MTMR10: variants seen among roughly 807,000 people sequenced by gnomAD.
The protein encoded by MTMR10 is myotubularin related protein 10, also known as myotubularin-related protein 10.
MTMR10 carries 56 observed loss-of-function variants against 88.1 expected under a neutral mutation model. The observed-to-expected ratio is 0.64, with a 90% CI of 0.51 to 0.79. The LOEUF is 0.79. MTMR10 is among the 30% of genes least tolerant of loss of function. MTMR10 has a pLI of 0.00. For missense variants in MTMR10, 883 were observed against 924.7 expected (o/e 0.95, Z 0.58); for synonymous variants, 380 against 340.9 (o/e 1.11, Z -1.26).
chr15:30,955,812 G>T (rs746075592), intron 9 of MTMR10, among the ~76,000 whole-genome samples: 1 of 152,108 alleles, frequency 6.6e-6, no homozygotes, highest in African/African-American at 2.4e-5. Context: ...AGGATAAACT[G>T]CAAGTACAGA....
chr15:30,944,206 A>C (rs879672461), intron 14 of MTMR10, among the ~76,000 whole-genome samples: 3 of 152,176 alleles, frequency 2.0e-5, no homozygotes, highest in Non-Finnish European at 4.4e-5. Flanking sequence ...GGCATTTTGT[A>C]AAGTTTTACA....
chr15:30,943,268 A>AC (rs1469734071), intron 14 of MTMR10, 196 bp from the exon 15 acceptor site: 1 of 985,278 alleles, frequency 1.0e-6, no homozygotes, highest in East Asian at 1.1e-4. Context: ...GTCCCCATGA[A>AC]CAAGGAGTGT....
At chr15:30,989,947 A>G (rs2031201498) in intron 2 of MTMR10, among the ~76,000 whole-genome samples, 3 of 152,152 alleles carry the variant, frequency 2.0e-5, no homozygotes, top group South Asian at 4.1e-4. Flanking sequence ...ATCGCATTAA[A>G]CAACTGACTT....
chr15:30,955,006 C>T (rs2063302143), intron 9 of MTMR10, 113 bp from the exon 10 acceptor site: 1 of 901,038 alleles, frequency 1.1e-6, no homozygotes, highest in South Asian at 2.9e-5. Flanking sequence ...AAGGTCTCTG[C>T]CTTCATGGAG....
chr15:30,929,993 C>A, the MTMR10 span, among the ~76,000 whole-genome samples: 3 of 124,146 alleles, frequency 2.4e-5, no homozygotes, highest in South Asian at 2.3e-4. Context: ...TATAAGATAT[C>A]ATATATAATA....
intron 11 of MTMR10, among the ~76,000 whole-genome samples, chr15:30,952,448 C>T (rs1682622483): frequency 6.6e-6 from 1 of 152,192 alleles, no homozygotes; most frequent in African/African-American, 2.4e-5. Flanking sequence ...CATTGTAACC[C>T]TGAACTCCTG....
chr15:30,929,846 A>AAT, the MTMR10 span, among the ~76,000 whole-genome samples: 1 of 78,280 alleles, frequency 1.3e-5, no homozygotes, highest in African/African-American at 7.5e-5. Flanking sequence ...TAATATATAA[A>AAT]ATATATATCA....
At chr15:30,969,330 T>C (rs1393707187) in intron 5 of MTMR10, among the ~76,000 whole-genome samples, 1 of 152,154 alleles carries the variant, frequency 6.6e-6, no homozygotes, top group African/African-American at 2.4e-5. Flanking sequence ...AGGAGAGCTT[T>C]CTATGACGGT....
At chr15:30,952,148 T>C in intron 11 of MTMR10, 110 bp from the exon 12 acceptor site, 1 of 903,384 alleles carries the variant, frequency 1.1e-6, no homozygotes, top group South Asian at 1.5e-5. Context: ...TGCTCTCTGA[T>C]CATGATATTC....
At chr15:30,961,598 G>C (rs74212117) in intron 6 of MTMR10, among the ~76,000 whole-genome samples, 7,888 of 152,218 alleles carry the variant, frequency 0.052, 302 homozygotes, top group Admixed American at 0.13. Context: ...CCGTAAAACA[G>C]CTTTGATTTT....
At chr15:30,981,456 G>C (rs1351108195) in intron 2 of MTMR10, among the ~76,000 whole-genome samples, 4 of 152,202 alleles carry the variant, frequency 2.6e-5, no homozygotes, top group African/African-American at 9.7e-5. Context: ...CCACCTCTGT[G>C]GGTCTTTCCC....
the MTMR10 span, chr15:30,920,611 G>A: frequency 6.2e-7 from 1 of 1,612,122 alleles, no homozygotes; most frequent in South Asian, 1.1e-5. Context: ...CAAGGATTTT[G>A]TCTCGGTTTG....
At chr15:30,979,555 T>C (rs1010749278) in intron 2 of MTMR10, among the ~76,000 whole-genome samples, 3 of 151,172 alleles carry the variant, frequency 2.0e-5, no homozygotes, top group African/African-American at 7.3e-5. Context: ...CTAGACTCCA[T>C]CTCAAAAAAA....
chr15:30,941,310 G>A lies in MTMR10; in HGVS notation c.*160C>T, dbSNP rs2063043698. 1.3e-6 allele frequency: 2 copies of A among 1,525,784 alleles called. No homozygotes were observed. Among genetic ancestry groups the A allele is most frequent in the East Asian group, 2.5e-5 (1 of 40,326 alleles). The allele number at this position is 1,525,784 out of a possible 1,614,324, so 94.5% of individuals were successfully genotyped here. A position where few individuals can be genotyped will look rare whatever the true frequency, so the allele number is the denominator to read the frequency against. ...TTTACATCTCTCTTAAAATAAGTGT[G>A]AAAGAAGCATGATTCAACATGTTTT... is the stretch of plus-strand genomic sequence containing the variant. On this transcript the variant is annotated 3_prime_UTR_variant, in exon 16 of 16. Coordinates refer to ENST00000435680, the MANE Select transcript of MTMR10 (RefSeq NM_017762.3).
chr15:30,941,569 C>G lies in MTMR10; in HGVS notation c.2235G>C (p.Gly745=), dbSNP rs752217083. 3 of 1,600,890 alleles carry G rather than the reference C, an allele frequency of 1.9e-6. No homozygotes were observed. The African/African-American group carries it at 4.0e-5, about 21-fold the overall frequency. The change falls in exon 16 of 16, where the codon GGG becomes GGC. Residue 745 remains glycine, a synonymous_variant. Coordinates refer to ENST00000435680, the MANE Select transcript of MTMR10 (RefSeq NM_017762.3). The part of the protein sequence containing the change: ...LSSSFPFSPV[G]NLCRRSILGT... ...CTAAAATGCTTCGTCTGCACAGATT[C>G]CCTACAGGAGAAAATGGAAATGAGG...
At chr15:30,923,014 C>T in the MTMR10 span, among the ~76,000 whole-genome samples, 1 of 152,156 alleles carries the variant, frequency 6.6e-6, no homozygotes, top group Non-Finnish European at 1.5e-5. Context: ...CGCCAGCAGG[C>T]CCCTCCCTGT....
chr15:30,983,294 TA>T (rs1454093326), intron 2 of MTMR10, among the ~76,000 whole-genome samples: 3 of 152,276 alleles, frequency 2.0e-5, no homozygotes, highest in Non-Finnish European at 4.4e-5. Flanking sequence ...AAAAACCTTC[TA>T]AATTAGAGGA....
At chr15:30,963,771 C>T (rs1424890883) in intron 6 of MTMR10, among the ~76,000 whole-genome samples, 2 of 152,104 alleles carry the variant, frequency 1.3e-5, no homozygotes, top group African/African-American at 2.4e-5. Flanking sequence ...AACTAAAAAG[C>T]GTGTCTGTGA....
chr15:30,976,741 C>T, intron 3 of MTMR10, 78 bp downstream of exon 3: 1 of 1,449,846 alleles, frequency 6.9e-7, no homozygotes, highest in Non-Finnish European at 9.3e-7. Context: ...CTTTTCCATA[C>T]CTATGTTTTA....
Sources: allele counts gnomAD v4.1 joint callset (sites outside exome capture counted in the v4.1 genomes callset), GRCh38; gene constraint gnomAD v4.1.1; transcripts MANE v1.5; gene names NCBI Gene and HGNC (gene_info 2026-07-23, HGNC 2026-07-21).